Variants in CSMD3 observed in about 807,000 individuals in gnomAD.
CSMD3 encodes CUB and sushi domain-containing protein 3.
In CSMD3, 177 loss-of-function variants were observed where a neutral mutation model predicts 435.2. That is an observed-to-expected ratio of 0.41 (90% confidence interval 0.36 to 0.46). The LOEUF (loss-of-function observed/expected upper bound fraction) is 0.46, where lower values mean the gene tolerates loss of function less well. Ranked by LOEUF, CSMD3 falls within the 20% of genes least tolerant of loss-of-function variation. CSMD3 has a pLI of 0.34. For missense variants in CSMD3, 4,265 were observed against 4,504.6 expected (o/e 0.95, Z 1.52); for synonymous variants, 1,656 against 1,520.5 (o/e 1.09, Z -2.07).
chr8:113,111,602 G>T (rs114766231), intron 4 of CSMD3, among the ~76,000 whole-genome samples: 90 of 152,108 alleles, frequency 5.9e-4, no homozygotes, highest in Middle Eastern at 3.4e-3. Context: ...GTGTCGATTT[G>T]AGCGTCTACC....
chr8:112,801,189 A>G (rs1033939008), intron 12 of CSMD3, among the ~76,000 whole-genome samples: 1 of 152,072 alleles, frequency 6.6e-6, no homozygotes, highest in African/African-American at 2.4e-5. Flanking sequence ...GATTGCTGGA[A>G]AATTACATCA....
At chr8:112,934,891 C>G (rs777139208) in intron 9 of CSMD3, among the ~76,000 whole-genome samples, 6 of 152,044 alleles carry the variant, frequency 3.9e-5, no homozygotes, top group Non-Finnish European at 7.4e-5. Flanking sequence ...GTTTCCTTTT[C>G]TGTGCAAAAG....
At chr8:112,232,119 A>G (rs780082398) in intron 68 of CSMD3, among the ~76,000 whole-genome samples, 4 of 152,134 alleles carry the variant, frequency 2.6e-5, no homozygotes, top group Non-Finnish European at 5.9e-5. Context: ...AGGCCTTAAG[A>G]GCCATACTTC....
intron 1 of CSMD3, among the ~76,000 whole-genome samples, chr8:113,384,094 T>C (rs1353279791): frequency 6.6e-6 from 1 of 152,296 alleles, no homozygotes; most frequent in Non-Finnish European, 1.5e-5. Context: ...ATTCCCACCA[T>C]ACTTAAAAAC....
chr8:112,552,009 G>C (rs1586666261), intron 26 of CSMD3, among the ~76,000 whole-genome samples: 1 of 151,972 alleles, frequency 6.6e-6, no homozygotes, highest in East Asian at 1.9e-4. Context: ...ACTTATCTAA[G>C]GGGTAGTAAC....
At chr8:112,541,496 T>G (rs1638841847) in intron 27 of CSMD3, among the ~76,000 whole-genome samples, 1 of 151,476 alleles carries the variant, frequency 6.6e-6, no homozygotes, top group African/African-American at 2.4e-5. Context: ...GCTGGATAAC[T>G]TAGGAAAAAA....
intron 4 of CSMD3, among the ~76,000 whole-genome samples, chr8:113,155,811 G>A (rs923832261): frequency 5.3e-5 from 8 of 152,054 alleles, no homozygotes; most frequent in African/African-American, 1.7e-4. Context: ...TATTCAGTAT[G>A]TAACTGATGA....
At chr8:113,142,838 G>A (rs1029346686) in intron 4 of CSMD3, among the ~76,000 whole-genome samples, 8 of 148,248 alleles carry the variant, frequency 5.4e-5, no homozygotes, top group Non-Finnish European at 9.0e-5. Flanking sequence ...TTGTATGCCT[G>A]TATCAAATTA....
In CSMD3 at chr8:112,291,476, T is replaced by C. The variant is rs376931729; in HGVS notation, c.8974+34A>G. The C allele has an allele frequency of 1.0e-4, 141 of 1,398,798 alleles. No homozygotes were observed. The East Asian group carries it at 1.4e-3, about 14-fold the overall frequency. The allele number at this position is 1,398,798 out of a possible 1,614,324, so 86.6% of individuals were successfully genotyped here. On this transcript the variant is annotated intron_variant, in intron 56 of 70. Transcript: ENST00000297405. ...AAACATTCCTATGGTTTCCATGACA[T>C]GTTCTCAAGAAACAATTCACATTAT...
At position 112,552,782 on chromosome 8, in the gene CSMD3, C is replaced by G. The variant is rs1827801155; in HGVS notation, c.4235-62G>C. On this transcript the variant is annotated intron_variant, in intron 25 of 70. Transcript: ENST00000297405. ...ATGCCAATCTTTTCAAAACAATCTA[C>G]AAATTTCTCATGAGTAGACAAAAGA... 4.1e-6 allele frequency: 6 copies of G among 1,479,204 alleles called. No homozygotes were observed. The South Asian group carries it at 6.8e-5, about 17-fold the overall frequency. 91.6% of individuals were successfully genotyped at this position (1,479,204 alleles called of 1,614,324 possible). A position where few individuals can be genotyped will look rare whatever the true frequency, so the allele number is the denominator to read the frequency against.
At chr8:112,727,057 A>C (rs903350350) in intron 13 of CSMD3, among the ~76,000 whole-genome samples, 1 of 151,824 alleles carries the variant, frequency 6.6e-6, no homozygotes, top group Non-Finnish European at 1.5e-5. Context: ...TTTATTTCTG[A>C]ACAACAAAAA....
intron 2 of CSMD3, among the ~76,000 whole-genome samples, chr8:113,281,973 T>C (rs2093615927): frequency 6.6e-6 from 1 of 151,998 alleles, no homozygotes; most frequent in Non-Finnish European, 1.5e-5. Context: ...TGGCTGATAA[T>C]TGTTTTGTTT....
At chr8:112,393,739 T>C (rs1284146895) in intron 35 of CSMD3, among the ~76,000 whole-genome samples, 3 of 152,208 alleles carry the variant, frequency 2.0e-5, no homozygotes, top group Non-Finnish European at 4.4e-5. Flanking sequence ...AATGTTGTGA[T>C]ATGATCAATC....
intron 27 of CSMD3, among the ~76,000 whole-genome samples, chr8:112,529,641 G>C (rs1024377714): frequency 6.6e-6 from 1 of 152,042 alleles, no homozygotes; most frequent in African/African-American, 2.4e-5. Context: ...TAAAGGGAAA[G>C]AGTTGTTGGT....
At chr8:112,794,786 A>C (rs2078786252) in intron 13 of CSMD3, among the ~76,000 whole-genome samples, 1 of 152,124 alleles carries the variant, frequency 6.6e-6, no homozygotes, top group Admixed American at 6.5e-5. Context: ...ACCCCCTTGA[A>C]ATTAACGTAC....
intron 37 of CSMD3, among the ~76,000 whole-genome samples, chr8:112,381,967 T>A (rs1333655167): frequency 1.3e-5 from 2 of 152,168 alleles, no homozygotes; most frequent in Non-Finnish European, 1.5e-5. Context: ...TACATTATTA[T>A]TTTAAAAGTA....
intron 32 of CSMD3, among the ~76,000 whole-genome samples, chr8:112,462,931 T>C (rs1326981704): frequency 1.3e-5 from 2 of 152,158 alleles, no homozygotes; most frequent in South Asian, 4.1e-4. Flanking sequence ...AACTCCACAG[T>C]CAATCTCCCT....
chr8:112,807,577 A>T (rs2132366771), intron 12 of CSMD3, among the ~76,000 whole-genome samples: 1 of 152,116 alleles, frequency 6.6e-6, no homozygotes, highest in South Asian at 2.1e-4. Flanking sequence ...AGGAGAGCAA[A>T]TTTGGAGAAA....
At chr8:113,329,657 A>G (rs2094011951) in intron 1 of CSMD3, among the ~76,000 whole-genome samples, 1 of 151,604 alleles carries the variant, frequency 6.6e-6, no homozygotes, top group Non-Finnish European at 1.5e-5. Context: ...AAAATAACAT[A>G]TAGAGATCCA....
Sources: allele counts gnomAD v4.1 joint callset (sites outside exome capture counted in the v4.1 genomes callset), GRCh38; gene constraint gnomAD v4.1.1; transcripts MANE v1.5; gene names NCBI Gene and HGNC (gene_info 2026-07-23, HGNC 2026-07-21).